The following ELP4 variants were observed in gnomAD, a reference collection of about 807,000 sequenced individuals.
The protein encoded by ELP4 is elongator acetyltransferase complex subunit 4, also known as elongator complex protein 4.
ELP4 carries 51 observed loss-of-function variants against 48.9 expected under a neutral mutation model. The observed-to-expected ratio is 1.04, with a 90% CI of 0.83 to 1.32. The LOEUF is 1.32. Ranked by LOEUF, ELP4 falls within the 40% of genes most tolerant of loss-of-function variation. The probability of loss-of-function intolerance (pLI) is 0.00; values close to 1 mark genes in which losing one functional copy is unlikely to be tolerated. For synonymous variants in ELP4, 210 were observed against 189.2 expected, an observed-to-expected ratio of 1.11 and a Z score of -0.90; for missense variants, 519 against 514.6, an observed-to-expected ratio of 1.01 and a Z score of -0.08.
chr11:31,585,531 C>T (rs1348347019), intron 3 of ELP4, among the ~76,000 whole-genome samples: 1 of 151,722 alleles, frequency 6.6e-6, no homozygotes. Flanking sequence ...ATTCGTCAAG[C>T]TTTAACTGGA....
At chr11:31,553,308 C>G (rs1455781532) in intron 3 of ELP4, among the ~76,000 whole-genome samples, 1 of 152,028 alleles carries the variant, frequency 6.6e-6, no homozygotes, top group Non-Finnish European at 1.5e-5. Context: ...CTAGGTGTTC[C>G]TGTGAGAGTG....
chr11:31,627,103 C>T lies in ELP4; in HGVS notation c.654-7C>T. ...TTATGTATTTGAACCACTTCTTTTA[C>T]CAACAGTTCTTTGACCCCTGGCTAC... On this transcript the variant is annotated splice_region_variant and splice_polypyrimidine_tract_variant and intron_variant, in intron 5 of 9. Coordinates refer to ENST00000640961, the MANE Select transcript of ELP4 (RefSeq NM_019040.5). The T allele has an allele frequency of 1.3e-6, 2 of 1,587,084 alleles. No individual in the cohort carries two copies. The highest frequency in any genetic ancestry group is 1.7e-6 in the Non-Finnish European group (2 of 1,158,422).
chr11:31,597,423 T>C (rs1323463899), intron 4 of ELP4, among the ~76,000 whole-genome samples: 2 of 152,152 alleles, frequency 1.3e-5, no homozygotes, highest in African/African-American at 4.8e-5. Flanking sequence ...TAGAAAAATA[T>C]GAGTTAAGTG....
intron 9 of ELP4, among the ~76,000 whole-genome samples, chr11:31,747,921 C>T (rs561721307): frequency 1.3e-5 from 2 of 152,270 alleles, no homozygotes; most frequent in African/African-American, 4.8e-5. Flanking sequence ...TCATGAAAGC[C>T]TTTTTAGTGT....
At chr11:31,633,422 AAAATT>A (rs1944907342) in intron 7 of ELP4, 2 of 152,046 alleles carry the variant, frequency 1.3e-5, no homozygotes, top group Admixed American at 1.3e-4. Flanking sequence ...ATCTCTACAA[AAAATT>A]AAATTAAATT....
At chr11:31,722,239 T>C (rs1474310526) in intron 9 of ELP4, among the ~76,000 whole-genome samples, 1 of 152,208 alleles carries the variant, frequency 6.6e-6, no homozygotes, top group Admixed American at 6.5e-5. Context: ...GCTGTTGTTG[T>C]CTGTTTCCAA....
At chr11:31,677,654 G>A (rs1430338613) in intron 9 of ELP4, among the ~76,000 whole-genome samples, 1 of 152,016 alleles carries the variant, frequency 6.6e-6, no homozygotes, top group Non-Finnish European at 1.5e-5. Flanking sequence ...AAAAAAACAA[G>A]AATGGAATGA....
At position 31,668,674 on chromosome 11, in the gene ELP4, C is replaced by CTGTGTGTGTGTGTGTG. The variant is rs1565103524; in HGVS notation, c.1143+18453_1143+18454insTGTGTGTGTGTGTGTG. ...TATCGGAATGAAATTTCCTTTGGTA[C>CTGTGTGTGTGTGTGTG]CGTGTGTGTGTGTGTGTGTGTGTGT... On this transcript the variant is annotated intron_variant, in intron 9 of 9. Coordinates refer to ENST00000640961, the MANE Select transcript of ELP4 (RefSeq NM_019040.5). Among the ~76,000 whole-genome samples, 3 of 37,388 alleles carry CTGTGTGTGTGTGTGTG rather than the reference C, an allele frequency of 8.0e-5. No individual in the cohort carries two copies. The East Asian group carries it at 4.9e-3, about 61-fold the overall frequency. The allele number at this position is 37,388 out of a possible 152,430, so 24.5% of individuals were successfully genotyped here.
At chr11:31,539,523 A>G (rs1370058867) in intron 2 of ELP4, 139 bp from the exon 3 acceptor site, 4 of 702,970 alleles carry the variant, frequency 5.7e-6, no homozygotes, top group African/African-American at 5.4e-5. Context: ...ATGCCTCAGG[A>G]ATACGCAGTT....
intron 3 of ELP4, among the ~76,000 whole-genome samples, chr11:31,561,336 A>T (rs377034876): frequency 2.6e-5 from 4 of 152,314 alleles, no homozygotes; most frequent in Admixed American, 2.6e-4. Context: ...ATTTTTATGG[A>T]TAGAAATATT....
At chr11:31,688,864 T>C (rs1396767573) in intron 9 of ELP4, among the ~76,000 whole-genome samples, 1 of 152,004 alleles carries the variant, frequency 6.6e-6, no homozygotes, top group Non-Finnish European at 1.5e-5. Flanking sequence ...TTGTGAGGAT[T>C]TGAGGGGGGA....
intron 3 of ELP4, among the ~76,000 whole-genome samples, chr11:31,556,308 A>G (rs1956928920): frequency 6.6e-6 from 1 of 152,062 alleles, no homozygotes; most frequent in East Asian, 1.9e-4. Context: ...TTTCTTGTCT[A>G]AAGAAATTTT....
chr11:31,611,021 A>T (rs1232182), intron 5 of ELP4, among the ~76,000 whole-genome samples: 34,378 of 152,030 alleles, frequency 0.23, 4,868 homozygotes, highest in Non-Finnish European at 0.31. Flanking sequence ...GCAACCTTCA[A>T]CTTTACATGC....
intron 3 of ELP4, among the ~76,000 whole-genome samples, chr11:31,570,746 G>A (rs752490763): frequency 2.0e-5 from 3 of 149,020 alleles, no homozygotes; most frequent in Non-Finnish European, 4.4e-5. Context: ...CCAAAGTGCT[G>A]GTATGAGAGG....
chr11:31,543,307 T>G (rs1430051539), intron 3 of ELP4, among the ~76,000 whole-genome samples: 1 of 152,094 alleles, frequency 6.6e-6, no homozygotes, highest in East Asian at 1.9e-4. Context: ...GTTTTGTTGT[T>G]GTTGTTGTTT....
chr11:31,638,610 G>A (rs1945028142), intron 7 of ELP4, among the ~76,000 whole-genome samples: 1 of 151,816 alleles, frequency 6.6e-6, no homozygotes, highest in African/African-American at 2.4e-5. Flanking sequence ...ATTTTATTTA[G>A]TGTGTTATTT....
intron 9 of ELP4, among the ~76,000 whole-genome samples, chr11:31,688,145 T>C (rs1002316443): frequency 6.6e-6 from 1 of 152,218 alleles, no homozygotes; most frequent in Non-Finnish European, 1.5e-5. Context: ...AAAAAACAGA[T>C]GCCTTATAGA....
At chr11:31,539,849 T>A (rs1234316496) in intron 3 of ELP4, 66 bp downstream of exon 3, 1 of 1,370,832 alleles carries the variant, frequency 7.3e-7, no homozygotes, top group Non-Finnish European at 9.8e-7. Flanking sequence ...TTTATATATG[T>A]AAACAAGATA....
At chr11:31,695,532 TTTTGA>T (rs1946383660) in intron 9 of ELP4, among the ~76,000 whole-genome samples, 1 of 151,340 alleles carries the variant, frequency 6.6e-6, no homozygotes, top group African/African-American at 2.4e-5. Context: ...TGTATAAGCT[TTTTGA>T]TGTGCTGCTG....
Sources: allele counts gnomAD v4.1 joint callset (sites outside exome capture counted in the v4.1 genomes callset), GRCh38; gene constraint gnomAD v4.1.1; transcripts MANE v1.5; gene names NCBI Gene and HGNC (gene_info 2026-07-23, HGNC 2026-07-21).